The following DCLK1 variants were observed in gnomAD, a reference collection of about 807,000 sequenced individuals.
DCLK1 encodes serine/threonine-protein kinase DCLK1.
A neutral mutation model predicts 86.2 loss-of-function variants in DCLK1; 16 were observed. The observed-to-expected ratio is 0.19, with a 90% CI of 0.13 to 0.28. The LOEUF (loss-of-function observed/expected upper bound fraction) is 0.28, where lower values mean the gene tolerates loss of function less well. Ranked by LOEUF, DCLK1 falls within the 10% of genes least tolerant of loss-of-function variation. The pLI is 1.00. For missense variants in DCLK1, 590 were observed against 940.2 expected (o/e 0.63, Z 4.87); for synonymous variants, 369 against 370.5 (o/e 1.00, Z 0.05).
In DCLK1 at chr13:35,967,688, C is replaced by T. The variant is rs572026541; in HGVS notation, c.724-20231G>A. Among the ~76,000 whole-genome samples, 58 of 152,186 alleles carry T rather than the reference C, an allele frequency of 3.8e-4. No homozygotes were observed. The South Asian group carries it at 0.011, about 28-fold the overall frequency. On this transcript the variant is annotated intron_variant, in intron 3 of 16. Coordinates refer to ENST00000360631, the MANE Select transcript of DCLK1 (RefSeq NM_001330071.2). Reference sequence around the variant, plus strand: ...CAAGTACCCAGGGACACAAACACTGCGGAAGGCGGCAGGGCCCTCTGCCTA... The same window carrying T: ...CAAGTACCCAGGGACACAAACACTGTGGAAGGCGGCAGGGCCCTCTGCCTA...
intron 13 of DCLK1, 148 bp from the exon 14 acceptor site, chr13:35,808,468 G>C: frequency 1.4e-6 from 1 of 739,404 alleles, no homozygotes; most frequent in South Asian, 1.7e-5. Context: ...TGTCAATGTG[G>C]ATCTGTTTTG....
At chr13:36,091,495 G>C (rs1884828355) in intron 3 of DCLK1, among the ~76,000 whole-genome samples, 3 of 152,188 alleles carry the variant, frequency 2.0e-5, no homozygotes. Flanking sequence ...GGCTTGTTAT[G>C]TGATGAATGA....
At chr13:35,895,744 C>A (rs371392721) in intron 4 of DCLK1, among the ~76,000 whole-genome samples, 3 of 149,768 alleles carry the variant, frequency 2.0e-5, no homozygotes, top group African/African-American at 2.5e-5. Context: ...TATACTATAG[C>A]AAAAAAAAAC....
chr13:35,977,674 G>A (rs1037472995), intron 3 of DCLK1, among the ~76,000 whole-genome samples: 1 of 152,124 alleles, frequency 6.6e-6, no homozygotes, highest in African/African-American at 2.4e-5. Context: ...AGAGATGAAT[G>A]TTGGCAGTGA....
intron 4 of DCLK1, among the ~76,000 whole-genome samples, chr13:35,897,736 A>T (rs1380380056): frequency 1.3e-5 from 2 of 152,202 alleles, no homozygotes; most frequent in Admixed American, 1.3e-4. Flanking sequence ...AAACATTTTA[A>T]ATCATCCACT....
intron 16 of DCLK1, among the ~76,000 whole-genome samples, chr13:35,778,269 A>G (rs1398773639): frequency 6.6e-6 from 1 of 152,176 alleles, no homozygotes; most frequent in African/African-American, 2.4e-5. Flanking sequence ...TCCTTGTCCC[A>G]GCCTTTGCAA....
intron 3 of DCLK1, among the ~76,000 whole-genome samples, chr13:36,003,060 T>C (rs142244076): frequency 6.6e-6 from 1 of 152,196 alleles, no homozygotes; most frequent in African/African-American, 2.4e-5. Flanking sequence ...AATCTGCCCA[T>C]ACTTTCTAAA....
intron 3 of DCLK1, among the ~76,000 whole-genome samples, chr13:36,098,997 C>A (rs1408912951): frequency 6.8e-6 from 1 of 147,650 alleles, no homozygotes; most frequent in Non-Finnish European, 1.5e-5. Flanking sequence ...GAGAGAGTTT[C>A]GCTCTTGTTG....
At chr13:35,923,081 T>C (rs940194282) in intron 4 of DCLK1, among the ~76,000 whole-genome samples, 4 of 152,042 alleles carry the variant, frequency 2.6e-5, no homozygotes, top group Admixed American at 1.3e-4. Flanking sequence ...TATGAATCAA[T>C]TGGGAACTTA....
intron 4 of DCLK1, among the ~76,000 whole-genome samples, chr13:35,908,120 A>G (rs1298106802): frequency 6.6e-6 from 1 of 151,952 alleles, no homozygotes; most frequent in African/African-American, 2.4e-5. Context: ...TGGTTGGGGT[A>G]CAATTTGTTT....
intron 4 of DCLK1, among the ~76,000 whole-genome samples, chr13:35,880,353 C>A (rs1872813879): frequency 6.6e-6 from 1 of 152,140 alleles, no homozygotes; most frequent in African/African-American, 2.4e-5. Flanking sequence ...CCGAGTGTTG[C>A]AGAAGGGCCA....
intron 16 of DCLK1, among the ~76,000 whole-genome samples, chr13:35,791,903 A>C (rs1478165525): frequency 6.6e-6 from 1 of 152,218 alleles, no homozygotes; most frequent in Non-Finnish European, 1.5e-5. Context: ...TTTGGAATAG[A>C]CATATATCTT....
At chr13:36,103,761 C>T (rs1231420725) in intron 3 of DCLK1, among the ~76,000 whole-genome samples, 1 of 152,200 alleles carries the variant, frequency 6.6e-6, no homozygotes, top group Non-Finnish European at 1.5e-5. Context: ...CCACCACAGA[C>T]ACCCTTGAAT....
chr13:35,839,239 C>G, intron 6 of DCLK1, 63 bp from the exon 7 acceptor site: 6 of 1,407,682 alleles, frequency 4.3e-6, no homozygotes. Flanking sequence ...TTCCAGGGAC[C>G]ATGCCCAGCC....
chr13:35,949,786 G>A (rs939100932), intron 3 of DCLK1, among the ~76,000 whole-genome samples: 2 of 148,946 alleles, frequency 1.3e-5, no homozygotes. Context: ...CCAAGTCTGA[G>A]ACTTAAAGAA....
rs546902444 is a variant in DCLK1, at chr13:35,828,327, G to A, written c.1230-20C>T. The A allele has an allele frequency of 3.8e-6, 6 of 1,594,882 alleles. No homozygotes were observed. The highest frequency in any genetic ancestry group is 1.3e-5 in the African/African-American group (1 of 74,820). On this transcript the variant is annotated intron_variant, in intron 8 of 16. Coordinates refer to ENST00000360631, the MANE Select transcript of DCLK1 (RefSeq NM_001330071.2). ...GTCGATCTGCGAAGAGAAAGTTCAT[G>A]TTTTTAAAATGAAACTTAACTTCAA...
At chr13:36,008,234 T>TTAA (rs1361283457) in intron 3 of DCLK1, among the ~76,000 whole-genome samples, 3 of 109,848 alleles carry the variant, frequency 2.7e-5, no homozygotes, top group African/African-American at 3.7e-5. Context: ...ATTATTTTTT[T>TTAA]AATTATACTT....
rs151196070 is a variant in DCLK1, at chr13:35,850,761, G to A, written c.1035+3738C>T. ...ACTGAATCCAAGTCATCCGAAGAGA[G>A]GGGGCGGTACAGGTCCTGCAAGATG... On this transcript the variant is annotated intron_variant, in intron 6 of 16. Coordinates refer to ENST00000360631, the MANE Select transcript of DCLK1 (RefSeq NM_001330071.2). 1.9e-6 allele frequency: 3 copies of A among 1,602,054 alleles called. No individual in the cohort carries two copies. In the South Asian group the frequency reaches 3.4e-5, roughly 18 times the overall value.
chr13:36,115,467 T>C (rs189213543), intron 2 of DCLK1, among the ~76,000 whole-genome samples: 2 of 152,300 alleles, frequency 1.3e-5, no homozygotes, highest in African/African-American at 4.8e-5. Flanking sequence ...TTAGCGGTGG[T>C]ACTAGAAATT....
Sources: gnomAD v4.1 joint callset for allele counts (sites outside exome capture counted in the v4.1 genomes callset) on GRCh38, gnomAD v4.1.1 for gene constraint, MANE v1.5 for transcripts, NCBI Gene and HGNC (gene_info 2026-07-23, HGNC 2026-07-21) for gene names.